FRMD4A: variants seen among roughly 807,000 people sequenced by gnomAD.
FRMD4A encodes FERM domain-containing protein 4A.
In FRMD4A, 29 loss-of-function variants were observed where a neutral mutation model predicts 129.1. The ratio of observed to expected loss-of-function variants is 0.22; its 90% CI spans 0.17 to 0.31. FRMD4A has a LOEUF of 0.31. Among genes scored for constraint, FRMD4A ranks in the 10% least tolerant of loss-of-function variants. The pLI, the probability that FRMD4A is intolerant of heterozygous loss-of-function variation, is 1.00. For synonymous variants in FRMD4A, 634 were observed against 571.6 expected (o/e 1.11, Z -1.56); for missense variants, 1,272 against 1,375.8 (o/e 0.92, Z 1.19).
At chr10:13,665,515 T>C (rs146198985) in intron 18 of FRMD4A, among the ~76,000 whole-genome samples, 1,533 of 152,282 alleles carry the variant, frequency 0.01, 31 homozygotes, top group African/African-American at 0.034. Flanking sequence ...TGGGTGGATT[T>C]TGGGGGATTT....
chr10:13,958,280 T>TA (rs1491466980), intron 2 of FRMD4A, among the ~76,000 whole-genome samples: 93 of 112,910 alleles, frequency 8.2e-4, no homozygotes, highest in Non-Finnish European at 1.3e-3. Context: ...CCATGACCAT[T>TA]GTTTTTTTTT....
At chr10:13,882,936 C>T (rs1460503252) in intron 2 of FRMD4A, among the ~76,000 whole-genome samples, 1 of 151,750 alleles carries the variant, frequency 6.6e-6, no homozygotes, top group Non-Finnish European at 1.5e-5. Flanking sequence ...CCCAAGTAGC[C>T]GGGACTACTG....
chr10:14,111,525 C>T (rs1164200935), intron 2 of FRMD4A, among the ~76,000 whole-genome samples: 1 of 152,132 alleles, frequency 6.6e-6, no homozygotes, highest in East Asian at 1.9e-4. Context: ...GCTAAGCTTG[C>T]AGCACTATGG....
intron 14 of FRMD4A, among the ~76,000 whole-genome samples, chr10:13,699,855 C>T (rs556529295): frequency 2.6e-5 from 4 of 152,148 alleles, no homozygotes; most frequent in Non-Finnish European, 5.9e-5. Context: ...TTGATCTAAT[C>T]GAGCTTCAAA....
intron 2 of FRMD4A, among the ~76,000 whole-genome samples, chr10:14,047,691 C>A (rs963901016): frequency 1.3e-5 from 2 of 152,208 alleles, no homozygotes; most frequent in Non-Finnish European, 2.9e-5. Context: ...TTCACGTCTG[C>A]AAAGTACTTT....
At chr10:14,284,610 G>A (rs769211456) in intron 2 of FRMD4A, among the ~76,000 whole-genome samples, 55 of 152,124 alleles carry the variant, frequency 3.6e-4, no homozygotes, top group Non-Finnish European at 1.3e-4. Flanking sequence ...TCGAGATCGC[G>A]CCACTGCATT....
At chr10:14,136,878 A>C (rs1839564968) in intron 2 of FRMD4A, among the ~76,000 whole-genome samples, 1 of 152,208 alleles carries the variant, frequency 6.6e-6, no homozygotes, top group Admixed American at 6.5e-5. Context: ...ACCTAAATGG[A>C]CTGAGACCTG....
intron 2 of FRMD4A, among the ~76,000 whole-genome samples, chr10:13,913,130 C>G (rs978469244): frequency 1.3e-5 from 2 of 151,624 alleles, no homozygotes; most frequent in African/African-American, 4.8e-5. Context: ...GATACATGCC[C>G]CAACATGGAT....
At chr10:14,322,926 C>T (rs1187340663) in intron 2 of FRMD4A, among the ~76,000 whole-genome samples, 1 of 152,212 alleles carries the variant, frequency 6.6e-6, no homozygotes, top group Non-Finnish European at 1.5e-5. Context: ...CTCATAGCTG[C>T]CCCATCATGT....
chr10:14,255,380 G>A (rs1046747064), intron 2 of FRMD4A, among the ~76,000 whole-genome samples: 2 of 152,112 alleles, frequency 1.3e-5, no homozygotes, highest in Non-Finnish European at 2.9e-5. Flanking sequence ...AACATACGAG[G>A]CATGAACTAG....
intron 12 of FRMD4A, among the ~76,000 whole-genome samples, chr10:13,717,616 A>AT (rs10593675): frequency 2.5e-4 from 32 of 130,308 alleles, no homozygotes; most frequent in African/African-American, 8.9e-4. Context: ...ACCCGGCTAA[A>AT]TTTTTTTTTT....
chr10:14,080,111 A>T (rs1564270169), intron 2 of FRMD4A, among the ~76,000 whole-genome samples: 2 of 152,116 alleles, frequency 1.3e-5, no homozygotes, highest in South Asian at 4.1e-4. Flanking sequence ...GGGTCTGCAA[A>T]AGGAGAGGTG....
chr10:13,962,286 C>T (rs951315488), intron 2 of FRMD4A, among the ~76,000 whole-genome samples: 10 of 152,272 alleles, frequency 6.6e-5, no homozygotes, highest in Admixed American at 2.0e-4. Flanking sequence ...CTTCTCTGAG[C>T]CTCGTTATGA....
chr10:13,701,366 A>G lies in FRMD4A; in HGVS notation c.949T>C (p.Phe317Leu). 6.2e-7 allele frequency: 1 copy of G among 1,614,040 alleles called. No homozygotes were observed. The highest frequency in any genetic ancestry group is 8.5e-7 in the Non-Finnish European group (1 of 1,179,904). ...TTACTCTGCTTTCTGTCCAGATAGA[A>G]CTGGTGTTGGCTTATGGCCATAGCC... ...IWAMAISQHQFYLDRKQSKSK... is the reference protein window; with the variant it reads ...IWAMAISQHQLYLDRKQSKSK... The change falls in exon 14 of 25, where the codon TTC (phenylalanine) becomes CTC (leucine). Residue 317 changes from phenylalanine to leucine, a missense_variant. Transcript: ENST00000357447.
At position 13,784,479 on chromosome 10, in the gene FRMD4A, T is replaced by C. The variant is rs140621804; in HGVS notation, c.300-1473A>G. Among the ~76,000 whole-genome samples, 1,305 of 152,340 alleles carry C rather than the reference T, an allele frequency of 8.6e-3. 18 individuals carry two copies. The highest frequency in any genetic ancestry group is 0.03 in the African/African-American group (1,244 of 41,570). Reference sequence around the variant, plus strand: ...AGCTTCAAGAAGTTCTATTCATTTATAGTAATTAATTTAAAAATGAATTCT... The same window carrying C: ...AGCTTCAAGAAGTTCTATTCATTTACAGTAATTAATTTAAAAATGAATTCT... On this transcript the variant is annotated intron_variant, in intron 5 of 24. Coordinates refer to ENST00000357447, the MANE Select transcript of FRMD4A (RefSeq NM_018027.5).
chr10:14,092,034 C>T (rs551559903), intron 2 of FRMD4A, among the ~76,000 whole-genome samples: 4 of 152,252 alleles, frequency 2.6e-5, no homozygotes, highest in East Asian at 1.9e-4. Flanking sequence ...TCCCCTGAAC[C>T]CCACCTCACA....
chr10:13,705,931 C>T lies in FRMD4A; in HGVS notation c.836+1106G>A, dbSNP rs541053540. Among the ~76,000 whole-genome samples, 222 of 152,308 alleles carry T rather than the reference C, an allele frequency of 1.5e-3. 1 individual carries two copies. The highest frequency in any genetic ancestry group is 4.9e-3 in the African/African-American group (202 of 41,574). ...GGCAGATTACCCTGGAGGGCAAGCA[C>T]GGCTTCATTCCTACCGGGTTATCAT... On this transcript the variant is annotated intron_variant, in intron 13 of 24. Transcript: ENST00000357447.
At chr10:13,793,468 T>C (rs2093048334) in intron 5 of FRMD4A, among the ~76,000 whole-genome samples, 1 of 152,182 alleles carries the variant, frequency 6.6e-6, no homozygotes, top group African/African-American at 2.4e-5. Context: ...CAGCCTACCA[T>C]GGCCCTCTTT....
rs536118955 is a variant in FRMD4A at position 13,685,130 on chromosome 10, A to C, written c.1117+8768T>G. The C allele has an allele frequency of 2.0e-5, 20 of 984,630 alleles. No individual in the cohort carries two copies. The African/African-American group carries it at 3.1e-4, about 15-fold the overall frequency. 61.0% of individuals were successfully genotyped at this position (984,630 alleles called of 1,614,324 possible). A position where few individuals can be genotyped will look rare whatever the true frequency, so the allele number is the denominator to read the frequency against. On this transcript the variant is annotated intron_variant, in intron 15 of 24. Transcript: ENST00000357447. The stretch of plus-strand genomic sequence containing the variant: ...GTCATCTCTGGGGACTGTTATAGAG[A>C]ATTAGATGTGATTTTTAACATGAAA...
Sources: allele counts gnomAD v4.1 joint callset (sites outside exome capture counted in the v4.1 genomes callset), GRCh38; gene constraint gnomAD v4.1.1; transcripts MANE v1.5; gene names NCBI Gene and HGNC (gene_info 2026-07-23, HGNC 2026-07-21).